Variants in DPF3 observed in about 807,000 individuals in gnomAD.
The protein encoded by DPF3 is double PHD fingers 3.
DPF3 carries 18 observed loss-of-function variants against 56.8 expected under a neutral mutation model. The ratio of observed to expected loss-of-function variants is 0.32; its 90% CI spans 0.22 to 0.47. DPF3 has a LOEUF of 0.47. DPF3 is among the 20% of genes least tolerant of loss of function. The pLI, the probability that DPF3 is intolerant of heterozygous loss-of-function variation, is 1.00. For missense variants in DPF3, 403 were observed against 488.8 expected (o/e 0.82, Z 1.65); for synonymous variants, 188 against 180.2 (o/e 1.04, Z -0.35).
chr14:72,650,205 G>T (rs574897088), intron 8 of DPF3, among the ~76,000 whole-genome samples: 10 of 152,096 alleles, frequency 6.6e-5, no homozygotes. Flanking sequence ...CTACCCAGCC[G>T]TGGTAGCTAA....
At chr14:72,760,450 C>T (rs1212737536) in intron 2 of DPF3, among the ~76,000 whole-genome samples, 4 of 152,162 alleles carry the variant, frequency 2.6e-5, no homozygotes, top group Admixed American at 6.5e-5. Flanking sequence ...CCAAGATTAT[C>T]GCACCATCTC....
chr14:72,871,060 G>T (rs891435903), intron 1 of DPF3, among the ~76,000 whole-genome samples: 1 of 152,180 alleles, frequency 6.6e-6, no homozygotes, highest in African/African-American at 2.4e-5. Context: ...TGAGGAAGAA[G>T]CAGAAGCAGA....
chr14:72,640,678 T>G (rs1292263819), intron 8 of DPF3, among the ~76,000 whole-genome samples: 1 of 151,646 alleles, frequency 6.6e-6, no homozygotes, highest in Non-Finnish European at 1.5e-5. Context: ...GGCCACAGAG[T>G]AGATGATAAA....
chr14:72,818,673 T>C (rs1327523231), intron 1 of DPF3, among the ~76,000 whole-genome samples: 1 of 152,166 alleles, frequency 6.6e-6, no homozygotes, highest in African/African-American at 2.4e-5. Context: ...ACCTTGTCTC[T>C]AAAAAGATAA....
At chr14:72,881,191 C>T (rs977383540) in intron 1 of DPF3, among the ~76,000 whole-genome samples, 1 of 152,242 alleles carries the variant, frequency 6.6e-6, no homozygotes, top group Admixed American at 6.5e-5. Flanking sequence ...CTACTTCTAA[C>T]AGTGAAACTG....
At chr14:72,739,817 C>T (rs796971974) in intron 3 of DPF3, among the ~76,000 whole-genome samples, 7 of 152,280 alleles carry the variant, frequency 4.6e-5, no homozygotes, top group African/African-American at 1.4e-4. Flanking sequence ...TACTATGTAT[C>T]GACTCTGTTC....
chr14:72,616,588 T>C lies in DPF3; in HGVS notation c.*2709A>G, dbSNP rs1480648619. Among the ~76,000 whole-genome samples the C allele has an allele frequency of 6.6e-6, 1 of 152,202 alleles. No homozygotes were observed. Among genetic ancestry groups the C allele is most frequent in the Non-Finnish European group, 1.5e-5 (1 of 68,038 alleles). On this transcript the variant is annotated 3_prime_UTR_variant, in exon 11 of 11. Transcript: ENST00000556509. Reference sequence around the variant, plus strand: ...AGTGCTTGTTTATGTAACATGATGCTTAAGAGTCCCAGTGTCACTCTGGAA... The same window carrying C: ...AGTGCTTGTTTATGTAACATGATGCCTAAGAGTCCCAGTGTCACTCTGGAA...
At chr14:72,670,591 G>T in intron 8 of DPF3, 1 of 986,802 alleles carries the variant, frequency 1.0e-6, no homozygotes, top group Non-Finnish European at 1.2e-6. Context: ...CCACCGGGCG[G>T]CTTGCCTCTA....
intron 8 of DPF3, among the ~76,000 whole-genome samples, chr14:72,652,400 A>G (rs766100860): frequency 9.9e-5 from 15 of 152,110 alleles, no homozygotes; most frequent in Non-Finnish European, 2.2e-4. Context: ...TCGTTCCCCA[A>G]ATGAGGCTTG....
At chr14:72,693,445 G>A (rs1371323625) in intron 6 of DPF3, among the ~76,000 whole-genome samples, 1 of 152,162 alleles carries the variant, frequency 6.6e-6, no homozygotes, top group Admixed American at 6.5e-5. Flanking sequence ...GTTAAGAGCT[G>A]TGTGAGCACT....
intron 9 of DPF3, among the ~76,000 whole-genome samples, chr14:72,622,098 G>A (rs1285294925): frequency 6.6e-6 from 1 of 152,220 alleles, no homozygotes; most frequent in South Asian, 2.1e-4. Flanking sequence ...TGTCTTCATG[G>A]AGAAGTGTCC....
At chr14:72,701,058 C>T (rs1490010266) in intron 6 of DPF3, among the ~76,000 whole-genome samples, 4 of 152,216 alleles carry the variant, frequency 2.6e-5, no homozygotes, top group East Asian at 1.9e-4. Flanking sequence ...TTTATCATGT[C>T]GGCATTCTCA....
At chr14:72,652,594 G>A (rs1303066495) in intron 8 of DPF3, among the ~76,000 whole-genome samples, 1 of 152,126 alleles carries the variant, frequency 6.6e-6, no homozygotes, top group Non-Finnish European at 1.5e-5. Flanking sequence ...CCTCTGCTGG[G>A]CAAAATCAAC....
chr14:72,681,052 C>T (rs189533885), intron 7 of DPF3, among the ~76,000 whole-genome samples: 21 of 152,344 alleles, frequency 1.4e-4, no homozygotes, highest in African/African-American at 4.8e-4. Context: ...ATGAGTAACA[C>T]CTGAGGGCAG....
chr14:72,740,077 G>A (rs1207822613), intron 3 of DPF3, among the ~76,000 whole-genome samples: 3 of 152,036 alleles, frequency 2.0e-5, no homozygotes, highest in Non-Finnish European at 4.4e-5. Context: ...GAGGGAGGGG[G>A]CTACGCTGAC....
chr14:72,653,293 C>T (rs1250658742), intron 8 of DPF3, among the ~76,000 whole-genome samples: 3 of 152,190 alleles, frequency 2.0e-5, no homozygotes, highest in African/African-American at 7.2e-5. Flanking sequence ...TTCAGCATGT[C>T]AGGGAGGGCC....
chr14:72,707,811 A>ATTT (rs35089717), intron 6 of DPF3, among the ~76,000 whole-genome samples: 8 of 146,620 alleles, frequency 5.5e-5, no homozygotes, highest in South Asian at 2.2e-4. Flanking sequence ...TTTTTCCTCT[A>ATTT]TTTTTTTTTT....
intron 4 of DPF3, among the ~76,000 whole-genome samples, chr14:72,729,653 C>T (rs551748605): frequency 6.6e-6 from 1 of 152,248 alleles, no homozygotes; most frequent in South Asian, 2.1e-4. Context: ...ATGAATGTTA[C>T]TAAATCAGAG....
chr14:72,791,518 A>G (rs1189489661), intron 1 of DPF3, among the ~76,000 whole-genome samples: 11 of 152,224 alleles, frequency 7.2e-5, no homozygotes, highest in Non-Finnish European at 1.5e-4. Context: ...ACTAGGAGAA[A>G]GCAGAGAGCA....
Sources: gnomAD v4.1 joint callset for allele counts (sites outside exome capture counted in the v4.1 genomes callset) on GRCh38, gnomAD v4.1.1 for gene constraint, MANE v1.5 for transcripts, NCBI Gene and HGNC (gene_info 2026-07-23, HGNC 2026-07-21) for gene names.